Variants in BNIP2 observed in about 807,000 individuals in gnomAD.
BNIP2 encodes BCL2/adenovirus E1B 19 kDa protein-interacting protein 2.
A neutral mutation model predicts 43.4 loss-of-function variants in BNIP2; 36 were observed. That is an observed-to-expected ratio of 0.83 (90% CI 0.64 to 1.10). The LOEUF (loss-of-function observed/expected upper bound fraction) is 1.10, where lower values mean the gene tolerates loss of function less well. Ranked by LOEUF, BNIP2 falls within the 50% of genes least tolerant of loss-of-function variation. The probability of loss-of-function intolerance (pLI) is 0.00; values close to 1 mark genes in which losing one functional copy is unlikely to be tolerated. For synonymous variants in BNIP2, 146 were observed against 121.0 expected (o/e 1.21, Z -1.35); for missense variants, 417 against 374.1 (o/e 1.11, Z -0.95).
chr15:59,669,916 A>G (rs530467830), intron 7 of BNIP2, among the ~76,000 whole-genome samples: 16 of 152,256 alleles, frequency 1.1e-4, no homozygotes, highest in Non-Finnish European at 2.4e-4. Flanking sequence ...TATTTCACAC[A>G]TAAAGTGAGA....
At chr15:59,669,175 A>T in intron 8 of BNIP2, 101 bp downstream of exon 8, 1 of 1,059,878 alleles carries the variant, frequency 9.4e-7, no homozygotes, top group South Asian at 1.6e-5. Context: ...ACATATCAAA[A>T]TATAGCTCTG....
intron 1 of BNIP2, chr15:59,688,763 G>A (rs1402673299): frequency 6.5e-7 from 1 of 1,535,576 alleles, no homozygotes; most frequent in African/African-American, 1.4e-5. Flanking sequence ...TCTGTACCAG[G>A]ACGGACGCTG....
chr15:59,668,045 T>C, intron 9 of BNIP2: 1 of 1,128,478 alleles, frequency 8.9e-7, no homozygotes, highest in Non-Finnish European at 1.2e-6. Context: ...TAAGGAAGAG[T>C]TAGTCTGCAA....
chr15:59,687,672 T>C (rs570437827), intron 1 of BNIP2, among the ~76,000 whole-genome samples: 4 of 152,210 alleles, frequency 2.6e-5, no homozygotes, highest in African/African-American at 7.2e-5. Flanking sequence ...GCCCGGTAAC[T>C]TACTAGATCT....
intron 9 of BNIP2, among the ~76,000 whole-genome samples, chr15:59,665,064 G>A (rs1255083842): frequency 1.3e-5 from 2 of 152,016 alleles, no homozygotes; most frequent in Admixed American, 6.6e-5. Flanking sequence ...AGGAGTTCGA[G>A]ACCAGCCTGG....
At chr15:59,686,898 T>G (rs1455788006) in intron 1 of BNIP2, among the ~76,000 whole-genome samples, 2 of 152,098 alleles carry the variant, frequency 1.3e-5, no homozygotes, top group East Asian at 3.9e-4. Context: ...TGGCCTGTAA[T>G]CCAAGCGATC....
intron 9 of BNIP2, among the ~76,000 whole-genome samples, chr15:59,665,757 C>G (rs1377825256): frequency 6.6e-6 from 1 of 152,168 alleles, no homozygotes; most frequent in African/African-American, 2.4e-5. Context: ...AGCTAACAGT[C>G]TATTACTATT....
intron 9 of BNIP2, chr15:59,667,978 T>C (rs1182299522): frequency 1.1e-5 from 6 of 529,898 alleles, no homozygotes; most frequent in South Asian, 8.9e-5. Flanking sequence ...ATTTGGAAGT[T>C]GGGGTACATT....
At chr15:59,670,075 C>G (rs1480115083) in intron 7 of BNIP2, among the ~76,000 whole-genome samples, 1 of 152,138 alleles carries the variant, frequency 6.6e-6, no homozygotes, top group Admixed American at 6.5e-5. Context: ...TGACTAACTC[C>G]CAAGACAAAA....
At chr15:59,672,947 G>A (rs1893028119) in intron 5 of BNIP2, among the ~76,000 whole-genome samples, 3 of 152,062 alleles carry the variant, frequency 2.0e-5, no homozygotes, top group South Asian at 4.1e-4. Context: ...TAAAGAGGAC[G>A]GTGGACAGAA....
intron 9 of BNIP2, among the ~76,000 whole-genome samples, chr15:59,666,682 C>T (rs1233703452): frequency 1.3e-5 from 2 of 152,052 alleles, no homozygotes; most frequent in Admixed American, 1.3e-4. Flanking sequence ...CAAAACATGC[C>T]TCTCTACCTA....
intron 7 of BNIP2, among the ~76,000 whole-genome samples, chr15:59,670,359 A>G (rs538857259): frequency 6.6e-6 from 1 of 152,324 alleles, no homozygotes; most frequent in African/African-American, 2.4e-5. Context: ...TGAGCTTGGG[A>G]GGTTGCCGCT....
intron 1 of BNIP2, chr15:59,688,518 C>CAA: frequency 1.8e-6 from 1 of 561,328 alleles, no homozygotes; most frequent in Non-Finnish European, 3.1e-6. Context: ...TCACAAGACA[C>CAA]AGACAAGTAA....
At position 59,659,610 on chromosome 15, in the gene BNIP2, A is replaced by G. The variant is rs1459202344; in HGVS notation, c.*4459T>C. On this transcript the variant is annotated 3_prime_UTR_variant, in exon 10 of 10. Coordinates refer to ENST00000607373, the MANE Select transcript of BNIP2 (RefSeq NM_004330.4). ...CTGTTAAACGGACATTAAACTTTAC[A>G]AAGTCCACATACAAAAAGTGCAGTG... is the stretch of plus-strand genomic sequence containing the variant. 1 of 152,230 alleles carries G rather than the reference A, an allele frequency of 6.6e-6. No individual in the cohort carries two copies. Among genetic ancestry groups the G allele is most frequent in the African/African-American group, 2.4e-5 (1 of 41,460 alleles). The allele number at this position is 152,230 out of a possible 1,614,324, so 9.4% of individuals were successfully genotyped here.
chr15:59,668,193 ACTTG>A, intron 9 of BNIP2: 2 of 1,077,464 alleles, frequency 1.9e-6, no homozygotes, highest in Admixed American at 3.0e-5. Context: ...ATGAATAAAA[ACTTG>A]AAAAAAGCTA....
In BNIP2 at chr15:59,688,132, G is replaced by A. The variant is rs1001376824; in HGVS notation, c.-58+1003C>T. Reference sequence around the variant, plus strand: ...CCCAGCAGTATTAGGCTGCACTAGAGAATATGAAGACTAGGAATAGAGTTT... The same window carrying A: ...CCCAGCAGTATTAGGCTGCACTAGAAAATATGAAGACTAGGAATAGAGTTT... On this transcript the variant is annotated intron_variant, in intron 1 of 9. Transcript: ENST00000607373. 4.6e-5 allele frequency among the ~76,000 whole-genome samples: 7 copies of A among 152,300 alleles called. No homozygotes were observed. The East Asian group carries it at 1.2e-3, about 25-fold the overall frequency.
rs973652186 is a variant in BNIP2 at position 59,660,063 on chromosome 15, T to C, written c.*4006A>G. 2.5e-4 allele frequency: 38 copies of C among 152,186 alleles called. No individual in the cohort carries two copies. The highest frequency in any genetic ancestry group is 2.5e-3 in the Admixed American group (38 of 15,278). 9.4% of individuals were successfully genotyped at this position (152,186 alleles called of 1,614,324 possible). A position where few individuals can be genotyped will look rare whatever the true frequency, so the allele number is the denominator to read the frequency against. On this transcript the variant is annotated 3_prime_UTR_variant, in exon 10 of 10. Transcript: ENST00000607373. ...TGCTTGCCAGGTAATTCTTTTGTAT[T>C]AGCTTAGAACATTTGAGTAGATAAT...
At chr15:59,676,866 C>T (rs750166431) in intron 5 of BNIP2, 77 of 1,581,428 alleles carry the variant, frequency 4.9e-5, no homozygotes, top group Non-Finnish European at 5.8e-5. Flanking sequence ...CCTGGGCTCT[C>T]GCTGCGTTCG....
At chr15:59,678,761 G>T (rs935019516) in intron 4 of BNIP2, 2 of 1,294,216 alleles carry the variant, frequency 1.5e-6, no homozygotes, top group African/African-American at 1.5e-5. Context: ...AAGATGGGGG[G>T]AGGGGGAAAC....
Sources: gnomAD v4.1 joint callset for allele counts (sites outside exome capture counted in the v4.1 genomes callset) on GRCh38, gnomAD v4.1.1 for gene constraint, MANE v1.5 for transcripts, NCBI Gene and HGNC (gene_info 2026-07-23, HGNC 2026-07-21) for gene names.